The following DRAM1 variants were observed in gnomAD, a reference collection of about 807,000 sequenced individuals.
DRAM1 encodes DNA damage regulated autophagy modulator 1, also known as DNA damage-regulated autophagy modulator protein 1.
DRAM1 carries 25 observed loss-of-function variants against 28.5 expected under a neutral mutation model. The observed-to-expected ratio is 0.88, with a 90% CI of 0.64 to 1.23. The LOEUF is 1.23. Ranked by LOEUF, DRAM1 falls within the 50% of genes most tolerant of loss-of-function variation. The pLI is 0.00. For missense variants in DRAM1, 249 were observed against 299.2 expected (o/e 0.83, Z 1.24); for synonymous variants, 113 against 114.2 (o/e 0.99, Z 0.07).
Position 101,921,536 on chromosome 12 carries a change from CA to C in DRAM1, c.*282del. The C allele has an allele frequency of 3.8e-6, 1 of 263,076 alleles. No individual in the cohort carries two copies. Among genetic ancestry groups the C allele is most frequent in the Non-Finnish European group, 7.1e-6 (1 of 141,756 alleles). 16.3% of individuals were successfully genotyped at this position (263,076 alleles called of 1,614,324 possible). On this transcript the variant is annotated 3_prime_UTR_variant, in exon 7 of 7. Transcript: ENST00000258534. ...CATATACAGAAAAAATAAGGTGTTACAAAAAATGGAGAGCTCTTATTTTTGT... is the reference window on the plus strand; with the variant it reads ...CATATACAGAAAAAATAAGGTGTTACAAAAATGGAGAGCTCTTATTTTTGT...
In DRAM1 at chr12:101,908,174, CT is replaced by C. The variant is rs1194641797; in HGVS notation, c.343-7del. ...CACCCAGAGTAACACACATTTATGA[CT>C]TTTTCTCCAGGAGTTAGCTGTGCCA... On this transcript the variant is annotated splice_polypyrimidine_tract_variant and intron_variant, in intron 3 of 6. Transcript: ENST00000258534. 2 of 1,598,892 alleles carry C rather than the reference CT, an allele frequency of 1.3e-6. No homozygotes were observed. Among genetic ancestry groups the C allele is most frequent in the Non-Finnish European group, 1.7e-6 (2 of 1,173,772 alleles).
intron 4 of DRAM1, among the ~76,000 whole-genome samples, chr12:101,911,317 C>G (rs1874032360): frequency 6.6e-6 from 1 of 152,184 alleles, no homozygotes; most frequent in African/African-American, 2.4e-5. Context: ...CATTTGACTA[C>G]CGAAGAAACC....
At position 101,908,254 on chromosome 12, in the gene DRAM1, G is replaced by A. The variant is rs749818728; in HGVS notation, c.411G>A (p.Thr137=). 4 of 1,613,976 alleles carry A rather than the reference G, an allele frequency of 2.5e-6. No individual in the cohort carries two copies. The highest frequency in any genetic ancestry group is 2.5e-6 in the Non-Finnish European group (3 of 1,180,006). The part of the protein sequence containing the change: ...LLAFVCGVVY[T]LLQSIISYKS... ...CCTTTGTCTGTGGTGTCGTGTACAC[G>A]CTCCTACAGTCCATCATCTCTTACA... is the stretch of plus-strand genomic sequence containing the variant. The change falls in exon 4 of 7, where the codon ACG becomes ACA. Residue 137 remains threonine (T), a synonymous_variant. Transcript: ENST00000258534.
At chr12:101,917,208 A>G (rs79378854) in intron 5 of DRAM1, among the ~76,000 whole-genome samples, 9,081 of 152,290 alleles carry the variant, frequency 0.06, 910 homozygotes, top group African/African-American at 0.21. Context: ...TCATTCAGCT[A>G]TCAACCAAAT....
intron 4 of DRAM1, among the ~76,000 whole-genome samples, chr12:101,912,731 ATTTTT>A (rs10530801): frequency 7.8e-6 from 1 of 128,634 alleles, no homozygotes; most frequent in Non-Finnish European, 1.6e-5. Context: ...TTGGCTCAAC[ATTTTT>A]TTTTTTTTTT....
chr12:101,906,455 A>G (rs564628281), intron 3 of DRAM1, among the ~76,000 whole-genome samples: 1 of 152,316 alleles, frequency 6.6e-6, no homozygotes, highest in South Asian at 2.1e-4. Flanking sequence ...CCTGGACAAC[A>G]CTTTAACTTG....
intron 1 of DRAM1, among the ~76,000 whole-genome samples, chr12:101,893,942 T>C (rs1342282584): frequency 2.0e-5 from 3 of 151,720 alleles, no homozygotes; most frequent in African/African-American, 7.3e-5. Context: ...TTAATTAATT[T>C]ATTTTTGAGA....
chr12:101,895,261 T>C (rs1455709906), intron 1 of DRAM1, among the ~76,000 whole-genome samples: 1 of 131,490 alleles, frequency 7.6e-6, no homozygotes, highest in East Asian at 2.6e-4. Flanking sequence ...CACTGCAAAC[T>C]CTACCTCCTG....
At chr12:101,884,369 CAAAA>C (rs777858309) in intron 1 of DRAM1, among the ~76,000 whole-genome samples, 3 of 78,050 alleles carry the variant, frequency 3.8e-5, no homozygotes, top group Non-Finnish European at 2.4e-5. Flanking sequence ...TACCCTGTCT[CAAAA>C]AAAAAAAAAA....
intron 1 of DRAM1, among the ~76,000 whole-genome samples, chr12:101,897,627 C>G (rs977039596): frequency 4.6e-5 from 7 of 151,794 alleles, no homozygotes; most frequent in Admixed American, 1.3e-4. Context: ...CAGCACCATT[C>G]ATTTTAAACA....
At chr12:101,898,885 A>G (rs1017369109) in intron 2 of DRAM1, among the ~76,000 whole-genome samples, 1 of 152,224 alleles carries the variant, frequency 6.6e-6, no homozygotes, top group African/African-American at 2.4e-5. Flanking sequence ...TCATAAGCCA[A>G]TTAATGTAAT....
chr12:101,889,940 CAAA>C (rs778793274), intron 1 of DRAM1: 7,305 of 236,990 alleles, frequency 0.031, no homozygotes, highest in East Asian at 0.036. Flanking sequence ...GACTCTGTCT[CAAA>C]AAAAAAAAAA....
chr12:101,881,013 C>T (rs964883602), intron 1 of DRAM1, among the ~76,000 whole-genome samples: 1 of 152,166 alleles, frequency 6.6e-6, no homozygotes, highest in Admixed American at 6.5e-5. Context: ...GCAGCCGGAG[C>T]ACTGGATTGC....
intron 1 of DRAM1, among the ~76,000 whole-genome samples, chr12:101,895,987 A>G (rs992533882): frequency 3.9e-5 from 6 of 152,000 alleles, no homozygotes; most frequent in Admixed American, 1.3e-4. Context: ...CCTGGGTTCA[A>G]GCGATTCTCC....
intron 1 of DRAM1, 132 bp from the exon 2 acceptor site, chr12:101,897,731 G>A: frequency 3.0e-6 from 2 of 675,810 alleles, no homozygotes; most frequent in Middle Eastern, 2.7e-4. Flanking sequence ...ACAAAATCAG[G>A]CCAAATCTTT....
At position 101,901,247 on chromosome 12, in the gene DRAM1, G is replaced by A. The variant is rs751464832; in HGVS notation, c.200-44G>A. ...AGCTGCTCCTGTTTTTCATCCTAAA[G>A]ACATCAAATTATGAACATTCATCAA... On this transcript the variant is annotated intron_variant, in intron 2 of 6. Coordinates refer to ENST00000258534, the MANE Select transcript of DRAM1 (RefSeq NM_018370.3). The A allele has an allele frequency of 3.1e-6, 5 of 1,589,050 alleles. No homozygotes were observed. In the Admixed American group the frequency reaches 8.9e-5, roughly 28 times the overall value.
chr12:101,914,125 AAAGG>A, intron 4 of DRAM1, 45 bp from the exon 5 acceptor site: 1 of 1,293,280 alleles, frequency 7.7e-7, no homozygotes, highest in Non-Finnish European at 1.1e-6. Flanking sequence ...TCTTAACATT[AAAGG>A]AACTGTTGTG....
chr12:101,908,251 C>T lies in DRAM1; in HGVS notation c.408C>T (p.Tyr136=). The T allele has an allele frequency of 6.2e-7, 1 of 1,614,116 alleles. No homozygotes were observed. Among genetic ancestry groups the T allele is most frequent in the Non-Finnish European group, 8.5e-7 (1 of 1,180,004 alleles). Residue 136 remains tyrosine (Y), a synonymous_variant, in exon 4 of 7, where the codon TAC becomes TAT. Coordinates refer to ENST00000258534, the MANE Select transcript of DRAM1 (RefSeq NM_018370.3). ...ALLAFVCGVV[Y]TLLQSIISYK... ...TGGCCTTTGTCTGTGGTGTCGTGTACACGCTCCTACAGTCCATCATCTCTT... is the reference window on the plus strand; with the variant it reads ...TGGCCTTTGTCTGTGGTGTCGTGTATACGCTCCTACAGTCCATCATCTCTT...
In DRAM1 at chr12:101,920,147, G is replaced by A; in HGVS notation, c.618G>A (p.Trp206Ter). 1.2e-6 allele frequency: 2 copies of A among 1,612,140 alleles called. No homozygotes were observed. Among genetic ancestry groups the A allele is most frequent in the Non-Finnish European group, 1.7e-6 (2 of 1,179,362 alleles). ...VYHVVSAICE[W>*]TVAFGFIFYF... is the part of the protein sequence containing the mutation. ...ACGTAGTGAGTGCGATCTGTGAATG[G>A]ACAGTGGCCTTTGGTTTTATTTTCT... is the stretch of plus-strand genomic sequence containing the variant. The change falls in exon 6 of 7, where the codon TGG becomes TGA. Residue 206 changes from tryptophan to a stop codon, truncating the protein, a stop_gained. Coordinates refer to ENST00000258534, the MANE Select transcript of DRAM1 (RefSeq NM_018370.3). LOFTEE classifies it high-confidence loss of function.
Sources: allele counts gnomAD v4.1 joint callset (sites outside exome capture counted in the v4.1 genomes callset), GRCh38; gene constraint gnomAD v4.1.1; transcripts MANE v1.5; gene names NCBI Gene and HGNC (gene_info 2026-07-23, HGNC 2026-07-21).